RREB1: variants seen among roughly 807,000 people sequenced by gnomAD.
The protein encoded by RREB1 is ras-responsive element-binding protein 1.
RREB1 carries 27 observed loss-of-function variants against 117.8 expected under a neutral mutation model. That is an observed-to-expected ratio of 0.23 (90% CI 0.17 to 0.32). RREB1 has a LOEUF of 0.32. Ranked by LOEUF, RREB1 falls within the 10% of genes least tolerant of loss-of-function variation. The pLI is 1.00. For missense variants in RREB1, 2,577 were observed against 2,378.2 expected (o/e 1.08, Z -1.74); for synonymous variants, 1,298 against 1,026.7 (o/e 1.26, Z -5.05).
chr6:7,217,481 A>G (rs200254605), intron 8 of RREB1: 2 of 152,076 alleles, frequency 1.3e-5, no homozygotes, highest in Non-Finnish European at 2.9e-5. Flanking sequence ...GGCATTAAGG[A>G]TGTGTGGGTC....
intron 1 of RREB1, among the ~76,000 whole-genome samples, chr6:7,128,155 G>A (rs1762014665): frequency 6.6e-6 from 1 of 152,084 alleles, no homozygotes; most frequent in African/African-American, 2.4e-5. Context: ...GCAAAATGGG[G>A]GTAGGCCTCC....
intron 1 of RREB1, among the ~76,000 whole-genome samples, chr6:7,111,258 T>C (rs997119688): frequency 5.9e-5 from 9 of 152,236 alleles, no homozygotes; most frequent in African/African-American, 2.2e-4. Context: ...ACTTCTGAGG[T>C]CAGTTAGGAA....
rs550266343 is a variant in RREB1, at chr6:7,159,377, C to CT, written c.-284-17277dup. Among the ~76,000 whole-genome samples the CT allele has an allele frequency of 2.0e-4, 31 of 152,322 alleles. No homozygotes were observed. In the East Asian group the frequency reaches 2.5e-3, roughly 12 times the overall value. On this transcript the variant is annotated intron_variant, in intron 1 of 12. Transcript: ENST00000379938. ...TAACCTGATAGTCATCATTCAGAAA[C>CT]TAACTCGAATCCCAACATCATTCCT...
chr6:7,193,013 A>G (rs1765489386), intron 6 of RREB1, among the ~76,000 whole-genome samples: 1 of 152,120 alleles, frequency 6.6e-6, no homozygotes, highest in Non-Finnish European at 1.5e-5. Context: ...CATATTTTCT[A>G]ATTTCCCTTG....
At chr6:7,212,637 A>G (rs1436940320) in intron 8 of RREB1, 2 of 152,220 alleles carry the variant, frequency 1.3e-5, no homozygotes, top group African/African-American at 2.4e-5. Flanking sequence ...TCACGAGCAC[A>G]CAGCAGGGCC....
intron 6 of RREB1, among the ~76,000 whole-genome samples, chr6:7,207,494 TG>T (rs1257713067): frequency 6.6e-6 from 1 of 152,140 alleles, no homozygotes; most frequent in African/African-American, 2.4e-5. Flanking sequence ...GAAGGAATCG[TG>T]GGGATTGTGA....
intron 6 of RREB1, among the ~76,000 whole-genome samples, chr6:7,208,408 C>T (rs1052279945): frequency 9.8e-5 from 15 of 152,336 alleles, no homozygotes; most frequent in African/African-American, 3.4e-4. Flanking sequence ...ACCCCTCCAA[C>T]CCTGCAGTTC....
In RREB1 at chr6:7,189,185, C is replaced by T. The variant is rs893415056; in HGVS notation, c.288C>T (p.Asp96=). Residue 96 remains aspartate, a synonymous_variant, in exon 6 of 13, where the codon GAC becomes GAT. Transcript: ENST00000379938. ...RQHNTDTGGA[D]HSCSICGKSL... ...ACAACACAGACACTGGAGGAGCCGA[C>T]CACTCATGCAGCATCTGCGGAAAGT... 2.4e-5 allele frequency: 38 copies of T among 1,613,526 alleles called. No individual in the cohort carries two copies. The highest frequency in any genetic ancestry group is 1.7e-4 in the Middle Eastern group (1 of 6,058).
intron 12 of RREB1, 55 bp from the exon 13 acceptor site, chr6:7,248,456 G>A: frequency 6.9e-7 from 1 of 1,455,658 alleles, no homozygotes. Context: ...AGAGCAGGGT[G>A]CAGTGGGTAC....
At chr6:7,194,779 T>A (rs1336671127) in intron 6 of RREB1, among the ~76,000 whole-genome samples, 3 of 152,210 alleles carry the variant, frequency 2.0e-5, no homozygotes, top group Non-Finnish European at 4.4e-5. Flanking sequence ...TTCTGAAGGT[T>A]TACAGTGTAC....
intron 6 of RREB1, among the ~76,000 whole-genome samples, chr6:7,194,559 T>C (rs1270264515): frequency 1.3e-5 from 2 of 152,158 alleles, no homozygotes; most frequent in Non-Finnish European, 2.9e-5. Flanking sequence ...TTGGTGCTAC[T>C]TGTTTGTGCT....
At chr6:7,221,196 C>T (rs1418365744) in intron 8 of RREB1, among the ~76,000 whole-genome samples, 1 of 151,546 alleles carries the variant, frequency 6.6e-6, no homozygotes. Flanking sequence ...GAGTCTCGCT[C>T]TGTCGCCCAG....
intron 1 of RREB1, among the ~76,000 whole-genome samples, chr6:7,135,049 T>C (rs1378598834): frequency 6.6e-6 from 1 of 152,242 alleles, no homozygotes; most frequent in African/African-American, 2.4e-5. Context: ...GACTCTCCCT[T>C]GGCCCTTTTA....
At position 7,230,885 on chromosome 6, in the gene RREB1, A is replaced by G; in HGVS notation, c.2786A>G (p.Asp929Gly). The part of the protein sequence containing the change: ...FLSPSSLVPY[D>G]CSMEPIDLSI... ...AGCCCTTCTTCCCTGGTCCCCTATG[A>G]CTGCTCCATGGAGCCCATCGACCTG... Residue 929 changes from aspartate to glycine, a missense_variant, in exon 10 of 13, where the codon GAC becomes GGC. Asp to Gly is a moderately conservative substitution (Grantham distance 94, BLOSUM62 -1). Coordinates refer to ENST00000379938, the MANE Select transcript of RREB1 (RefSeq NM_001003699.4). 1 of 1,614,164 alleles carries G rather than the reference A, an allele frequency of 6.2e-7. No individual in the cohort carries two copies. The highest frequency in any genetic ancestry group is 8.5e-7 in the Non-Finnish European group (1 of 1,180,016).
chr6:7,140,333 T>C (rs543514438), intron 1 of RREB1, among the ~76,000 whole-genome samples: 8 of 152,308 alleles, frequency 5.3e-5, no homozygotes, highest in East Asian at 3.9e-4. Context: ...GCAACACTTA[T>C]CGTGGTGATT....
At chr6:7,146,427 G>A (rs538907619) in intron 1 of RREB1, among the ~76,000 whole-genome samples, 9 of 152,238 alleles carry the variant, frequency 5.9e-5, no homozygotes, top group East Asian at 3.9e-4. Flanking sequence ...GTGTGCACAC[G>A]CAGACAGCCT....
At chr6:7,197,720 T>G (rs368706947) in intron 6 of RREB1, among the ~76,000 whole-genome samples, 2 of 152,198 alleles carry the variant, frequency 1.3e-5, no homozygotes, top group African/African-American at 2.4e-5. Context: ...TCTAGTTGTT[T>G]CGTTGCAGGC....
At chr6:7,157,298 G>C (rs1451439689) in intron 1 of RREB1, among the ~76,000 whole-genome samples, 1 of 152,042 alleles carries the variant, frequency 6.6e-6, no homozygotes, top group Non-Finnish European at 1.5e-5. Flanking sequence ...GCCAGGTGTG[G>C]TGGGGCGTGC....
chr6:7,198,956 T>C (rs187206928), intron 6 of RREB1, among the ~76,000 whole-genome samples: 53 of 152,338 alleles, frequency 3.5e-4, no homozygotes, highest in Admixed American at 9.1e-4. Context: ...TTTACAAATC[T>C]GTTTATTGCA....
Sources: gnomAD v4.1 joint callset for allele counts (sites outside exome capture counted in the v4.1 genomes callset) on GRCh38, gnomAD v4.1.1 for gene constraint, MANE v1.5 for transcripts, NCBI Gene and HGNC (gene_info 2026-07-23, HGNC 2026-07-21) for gene names.